Variants in TACR3 observed in about 807,000 individuals in gnomAD.
TACR3 encodes neuromedin-K receptor.
TACR3 carries 34 observed loss-of-function variants against 35.0 expected under a neutral mutation model. That is an observed-to-expected ratio of 0.97 (90% CI 0.74 to 1.30). TACR3 has a LOEUF of 1.30. TACR3 is among the 50% of genes most tolerant of loss of function. The pLI is 0.00. For missense variants in TACR3, 558 were observed against 591.7 expected, an observed-to-expected ratio of 0.94 and a Z score of 0.59; for synonymous variants, 233 against 221.1, an observed-to-expected ratio of 1.05 and a Z score of -0.48.
chr4:103,671,877 G>A (rs1726064418), intron 1 of TACR3, among the ~76,000 whole-genome samples: 1 of 152,012 alleles, frequency 6.6e-6, no homozygotes, highest in Non-Finnish European at 1.5e-5. Context: ...TTTCACAAAA[G>A]ATTTCACTGT....
intron 3 of TACR3, among the ~76,000 whole-genome samples, chr4:103,651,239 T>A (rs1175331206): frequency 6.7e-6 from 1 of 150,162 alleles, no homozygotes; most frequent in Non-Finnish European, 1.5e-5. Context: ...GGGACAAGAG[T>A]CAAAAACCTT....
rs775547174 is a variant in TACR3 at position 103,719,722 on chromosome 4, C to T, written c.-47G>A. On this transcript the variant is annotated 5_prime_UTR_variant, in exon 1 of 5. Transcript: ENST00000304883. Reference sequence around the variant, plus strand: ...GACCCTCCCACTCACCCACGGGCAGCCCAAGACGAGACTCCTCTGAAGTTC... The same window carrying T: ...GACCCTCCCACTCACCCACGGGCAGTCCAAGACGAGACTCCTCTGAAGTTC... The T allele has an allele frequency of 2.5e-6, 4 of 1,599,576 alleles. No individual in the cohort carries two copies. Among genetic ancestry groups the T allele is most frequent in the Non-Finnish European group, 1.7e-6 (2 of 1,178,674 alleles).
chr4:103,623,704 G>A (rs1202524674), intron 3 of TACR3, among the ~76,000 whole-genome samples: 1 of 152,116 alleles, frequency 6.6e-6, no homozygotes, highest in African/African-American at 2.4e-5. Context: ...TGTATTACAA[G>A]TGATCCCTAA....
rs536020844 is a variant in TACR3, at chr4:103,599,781, A to G, written c.889-8098T>C. 7.2e-5 allele frequency among the ~76,000 whole-genome samples: 11 copies of G among 152,324 alleles called. No homozygotes were observed. In the East Asian group the frequency reaches 2.1e-3, roughly 29 times the overall value. On this transcript the variant is annotated intron_variant, in intron 3 of 4. Transcript: ENST00000304883. ...TTTGTTGATTTGCGTATGTCGAACC[A>G]GCCTTGCATCCCAGGGATGAAGCCC... is the stretch of plus-strand genomic sequence containing the variant.
intron 3 of TACR3, among the ~76,000 whole-genome samples, chr4:103,593,020 T>C (rs977662925): frequency 6.6e-6 from 1 of 152,190 alleles, no homozygotes; most frequent in Admixed American, 6.6e-5. Flanking sequence ...ATCTTTTGAT[T>C]TTCCCAGTGT....
intron 3 of TACR3, among the ~76,000 whole-genome samples, chr4:103,646,693 ATG>A (rs1725462833): frequency 6.6e-6 from 1 of 151,944 alleles, no homozygotes; most frequent in Non-Finnish European, 1.5e-5. Flanking sequence ...TTATAGGAGA[ATG>A]TGACTACATT....
chr4:103,593,523 A>G (rs2110284241), intron 3 of TACR3: 1 of 152,336 alleles, frequency 6.6e-6, no homozygotes, highest in South Asian at 2.1e-4. Context: ...ATACATGCCT[A>G]CTAACTGTAG....
chr4:103,633,777 C>T (rs935848210), intron 3 of TACR3, among the ~76,000 whole-genome samples: 1 of 152,052 alleles, frequency 6.6e-6, no homozygotes, highest in Non-Finnish European at 1.5e-5. Context: ...AAAAAATAGC[C>T]AGGTGTTTTC....
At chr4:103,705,931 G>T (rs1722777136) in intron 1 of TACR3, among the ~76,000 whole-genome samples, 2 of 152,132 alleles carry the variant, frequency 1.3e-5, no homozygotes, top group Admixed American at 1.3e-4. Context: ...AAATAGGGGT[G>T]TGGAAAATAT....
At chr4:103,640,081 AC>A (rs1725318791) in intron 3 of TACR3, among the ~76,000 whole-genome samples, 1 of 152,022 alleles carries the variant, frequency 6.6e-6, no homozygotes, top group Non-Finnish European at 1.5e-5. Flanking sequence ...ACCTAGATTA[AC>A]CCTCATCAAA....
At chr4:103,694,293 C>A (rs1722475781) in intron 1 of TACR3, among the ~76,000 whole-genome samples, 1 of 144,558 alleles carries the variant, frequency 6.9e-6, no homozygotes, top group Non-Finnish European at 1.5e-5. Flanking sequence ...TTGGGAGTTC[C>A]AGGGACTAAT....
At chr4:103,610,547 G>A (rs1239086277) in intron 3 of TACR3, among the ~76,000 whole-genome samples, 1 of 152,038 alleles carries the variant, frequency 6.6e-6, no homozygotes, top group Admixed American at 6.6e-5. Flanking sequence ...CAGAGGCATA[G>A]TTTGCAAATA....
chr4:103,674,162 A>AGTTTGAAAGCTT lies in TACR3; in HGVS notation c.549-15760_549-15759insAAGCTTTCAAAC, dbSNP rs1726115441. 4.6e-5 allele frequency among the ~76,000 whole-genome samples: 7 copies of AGTTTGAAAGCTT among 152,336 alleles called. No homozygotes were observed. In the South Asian group the frequency reaches 1.4e-3, roughly 32 times the overall value. The stretch of plus-strand genomic sequence containing the variant: ...GAACACTTGGAAGCTTTAGTTAAAT[A>AGTTTGAAAGCTT]TATGAAAGGCTGTAGTGAGGAACAG... On this transcript the variant is annotated intron_variant, in intron 1 of 4. Transcript: ENST00000304883.
At chr4:103,687,547 A>C (rs997230788) in intron 1 of TACR3, among the ~76,000 whole-genome samples, 4 of 152,160 alleles carry the variant, frequency 2.6e-5, no homozygotes, top group Non-Finnish European at 5.9e-5. Flanking sequence ...ACTTCAGCAA[A>C]GTCTCAGGAT....
At chr4:103,693,172 TACA>T (rs1222903158) in intron 1 of TACR3, among the ~76,000 whole-genome samples, 1 of 152,212 alleles carries the variant, frequency 6.6e-6, no homozygotes, top group Non-Finnish European at 1.5e-5. Context: ...CTGTAATCTC[TACA>T]ACTTGTTAAT....
At chr4:103,604,602 A>G (rs1010107767) in intron 3 of TACR3, among the ~76,000 whole-genome samples, 3 of 152,190 alleles carry the variant, frequency 2.0e-5, no homozygotes, top group Non-Finnish European at 4.4e-5. Flanking sequence ...GTGAACAGGC[A>G]ACTTATAGAA....
intron 1 of TACR3, among the ~76,000 whole-genome samples, chr4:103,675,132 T>C (rs972925386): frequency 6.6e-6 from 1 of 152,192 alleles, no homozygotes; most frequent in Non-Finnish European, 1.5e-5. Context: ...TCCTTTGCAC[T>C]GTTGAAGTCT....
At chr4:103,639,979 TTTA>T (rs1725315674) in intron 3 of TACR3, among the ~76,000 whole-genome samples, 1 of 151,998 alleles carries the variant, frequency 6.6e-6, no homozygotes, top group African/African-American at 2.4e-5. Context: ...CATAATTAGG[TTTA>T]TATTTGTTTC....
chr4:103,640,129 A>G lies in TACR3; in HGVS notation c.888+16065T>C, dbSNP rs1313035270. 3.9e-5 allele frequency among the ~76,000 whole-genome samples: 6 copies of G among 152,128 alleles called. No individual in the cohort carries two copies. The East Asian group carries it at 9.7e-4, about 25-fold the overall frequency. On this transcript the variant is annotated intron_variant, in intron 3 of 4. Coordinates refer to ENST00000304883, the MANE Select transcript of TACR3 (RefSeq NM_001059.3). ...AAAATATTATTTTAGTATTTTATAA[A>G]TAAGAAAATGAAAGGTGAGATATCA...
Sources: gnomAD v4.1 joint callset for allele counts (sites outside exome capture counted in the v4.1 genomes callset) on GRCh38, gnomAD v4.1.1 for gene constraint, MANE v1.5 for transcripts, NCBI Gene and HGNC (gene_info 2026-07-23, HGNC 2026-07-21) for gene names.